Variants in CDH4 observed in about 807,000 individuals in gnomAD.
CDH4 encodes cadherin 4, also known as cadherin-4.
CDH4 carries 33 observed loss-of-function variants against 86.0 expected under a neutral mutation model. The observed-to-expected ratio is 0.38, with a 90% CI of 0.29 to 0.51. CDH4 has a LOEUF of 0.51. Ranked by LOEUF, CDH4 falls within the 20% of genes least tolerant of loss-of-function variation. The probability of loss-of-function intolerance (pLI) is 0.86; values close to 1 mark genes in which losing one functional copy is unlikely to be tolerated. For synonymous variants in CDH4, 555 were observed against 549.4 expected, an observed-to-expected ratio of 1.01 and a Z score of -0.14; for missense variants, 1,114 against 1,307.4, an observed-to-expected ratio of 0.85 and a Z score of 2.28.
chr20:61,874,003 G>A, intron 7 of CDH4, 103 bp downstream of exon 7: 1 of 1,240,220 alleles, frequency 8.1e-7, no homozygotes, highest in Non-Finnish European at 1.1e-6. Flanking sequence ...GTCGGGGAGT[G>A]ATCGACAGTC....
At chr20:61,430,332 C>T (rs898608295) in intron 2 of CDH4, among the ~76,000 whole-genome samples, 1 of 152,202 alleles carries the variant, frequency 6.6e-6, no homozygotes. Flanking sequence ...CAACCTCCCC[C>T]ACACCTGAGT....
Position 61,879,378 on chromosome 20 carries a change from C to G in CDH4, c.1050+5478C>G, listed in dbSNP as rs1185396871. 6.6e-6 allele frequency among the ~76,000 whole-genome samples: 1 copy of G among 152,232 alleles called. No homozygotes were observed. Among genetic ancestry groups the G allele is most frequent in the African/African-American group, 2.4e-5 (1 of 41,468 alleles). On this transcript the variant is annotated intron_variant, in intron 7 of 15. Coordinates refer to ENST00000614565, the MANE Select transcript of CDH4 (RefSeq NM_001794.5). This position sits in a 1 kb window ranked among gnomAD's most constrained non-coding sequence, Gnocchi z 4.1. ...GTAGTTCCTTTTTCTCTTCCTCCCC[C>G]TTTAAAAAGATTCATCTCCCCTGCC...
rs115755728 is a variant in CDH4 at position 61,378,536 on chromosome 20, C to T, written c.169+123599C>T. Among the ~76,000 whole-genome samples the T allele has an allele frequency of 3.0e-3, 462 of 152,294 alleles. 1 individual carries two copies. Among genetic ancestry groups the T allele is most frequent in the African/African-American group, 0.01 (427 of 41,564 alleles). ...TCTAGTCTCTGTCTCTGTCTTCCCGCGGCCTTCTCCTCTCATCTGTGTGTC... is the reference window on the plus strand; with the variant it reads ...TCTAGTCTCTGTCTCTGTCTTCCCGTGGCCTTCTCCTCTCATCTGTGTGTC... On this transcript the variant is annotated intron_variant, in intron 2 of 15. Coordinates refer to ENST00000614565, the MANE Select transcript of CDH4 (RefSeq NM_001794.5).
In CDH4 at chr20:61,939,212, C is replaced by CCTTT. The variant is rs1266908818; in HGVS notation, c.*2272_*2275dup. 6.6e-6 allele frequency: 1 copy of CCTTT among 152,284 alleles called. No individual in the cohort carries two copies. Among genetic ancestry groups the CCTTT allele is most frequent in the African/African-American group, 2.4e-5 (1 of 41,438 alleles). 9.4% of individuals were successfully genotyped at this position (152,284 alleles called of 1,614,324 possible). ...CCCGGGAGCCAGGGCAGCATGAACT[C>CCTTT]CTTTCTCTGAAATTTCGAGGCCTCC... On this transcript the variant is annotated 3_prime_UTR_variant, in exon 16 of 16. Transcript: ENST00000614565.
intron 2 of CDH4, among the ~76,000 whole-genome samples, chr20:61,426,879 A>G (rs543702432): frequency 5.5e-4 from 84 of 152,354 alleles, no homozygotes; most frequent in African/African-American, 1.9e-3. Context: ...CTAGATAAAA[A>G]TCTTGGCTTA....
At chr20:61,558,540 C>G (rs1373310733) in intron 2 of CDH4, among the ~76,000 whole-genome samples, 1 of 152,248 alleles carries the variant, frequency 6.6e-6, no homozygotes, top group Non-Finnish European at 1.5e-5. Context: ...GCCTCTGGAC[C>G]TGCCCCCATC....
intron 2 of CDH4, among the ~76,000 whole-genome samples, chr20:61,452,628 T>C (rs1489095343): frequency 6.6e-6 from 1 of 152,222 alleles, no homozygotes; most frequent in Admixed American, 6.5e-5. Context: ...TTTTAAATTT[T>C]TCCAATTGTT....
chr20:61,842,958 G>A (rs989132869), intron 4 of CDH4, among the ~76,000 whole-genome samples: 5 of 152,152 alleles, frequency 3.3e-5, no homozygotes, highest in African/African-American at 1.2e-4. Flanking sequence ...ATTTTTAAAA[G>A]CCTCTAAAAA....
At chr20:61,545,973 TG>T (rs2086078440) in intron 2 of CDH4, among the ~76,000 whole-genome samples, 1 of 107,126 alleles carries the variant, frequency 9.3e-6, no homozygotes, top group African/African-American at 3.7e-5. Flanking sequence ...TGTGTGTGTG[TG>T]TGTGTGTGGA....
At chr20:61,736,073 G>GC (rs2088259408) in intron 2 of CDH4, among the ~76,000 whole-genome samples, 1 of 152,136 alleles carries the variant, frequency 6.6e-6, no homozygotes, top group Non-Finnish European at 1.5e-5. Flanking sequence ...AGCTCAGGGT[G>GC]CCCCCCACTC....
At chr20:61,580,780 C>T (rs927701826) in intron 2 of CDH4, among the ~76,000 whole-genome samples, 4 of 152,136 alleles carry the variant, frequency 2.6e-5, no homozygotes, top group African/African-American at 7.2e-5. Context: ...CAATGGGTGG[C>T]GCCTAATGGG....
At chr20:61,871,805 G>A (rs536696886) in intron 6 of CDH4, among the ~76,000 whole-genome samples, 2 of 152,318 alleles carry the variant, frequency 1.3e-5, no homozygotes, top group South Asian at 2.1e-4. Context: ...TATAATTCAC[G>A]TGCCATACAG....
chr20:61,428,115 TG>T (rs2085224862), intron 2 of CDH4, among the ~76,000 whole-genome samples: 1 of 152,096 alleles, frequency 6.6e-6, no homozygotes, highest in African/African-American at 2.4e-5. Context: ...TGCTGAAAAG[TG>T]GGGCCAGGTA....
intron 3 of CDH4, among the ~76,000 whole-genome samples, chr20:61,755,436 CCACA>C (rs143293357): frequency 6.9e-6 from 1 of 145,958 alleles, no homozygotes; most frequent in South Asian, 2.2e-4. Context: ...ACGTCACACA[CCACA>C]CACACACACC....
At position 61,923,490 on chromosome 20, in the gene CDH4, G is replaced by C; in HGVS notation, c.1414G>C (p.Val472Leu). Residue 472 changes from valine (V) to leucine (L), a missense_variant, in exon 10 of 16, where the codon GTG (valine) becomes CTG (leucine). Physicochemically the swap from Val to Leu is conservative, Grantham distance 32 (BLOSUM62 1). This residue lies in a region of CDH4 where 705 missense variants were observed against 914.1 expected (regional missense o/e 0.77). Transcript: ENST00000614565. ...YELNRAFMLT[V>L]MVSNQAPLAS... Reference sequence around the variant, plus strand: ...GCTCAACAGAGCTTTCATGCTGACAGTGATGGTGTCCAACCAGGCGCCCCT... The same window carrying C: ...GCTCAACAGAGCTTTCATGCTGACACTGATGGTGTCCAACCAGGCGCCCCT... 6.2e-7 allele frequency: 1 copy of C among 1,614,206 alleles called. No homozygotes were observed. Among genetic ancestry groups the C allele is most frequent in the African/African-American group, 1.3e-5 (1 of 75,072 alleles).
chr20:61,894,423 A>G (rs1985001147), intron 7 of CDH4, among the ~76,000 whole-genome samples: 1 of 152,230 alleles, frequency 6.6e-6, no homozygotes, highest in Non-Finnish European at 1.5e-5. Context: ...GAGAAGGGAA[A>G]GGGTTTGTCT....
intron 2 of CDH4, among the ~76,000 whole-genome samples, chr20:61,555,982 A>G (rs1200453744): frequency 6.6e-6 from 1 of 152,202 alleles, no homozygotes; most frequent in Non-Finnish European, 1.5e-5. Flanking sequence ...CACATTGTGT[A>G]TGTACCGCCC....
chr20:61,759,876 G>A (rs753170392), intron 3 of CDH4, among the ~76,000 whole-genome samples: 26 of 152,144 alleles, frequency 1.7e-4, no homozygotes, highest in Admixed American at 1.2e-3. Context: ...AACCCAGGAC[G>A]CCCCAAACAA....
At chr20:61,427,993 G>T (rs907249337) in intron 2 of CDH4, among the ~76,000 whole-genome samples, 2 of 152,134 alleles carry the variant, frequency 1.3e-5, no homozygotes, top group Admixed American at 1.3e-4. Flanking sequence ...CCAGAGAAAA[G>T]AGAACTACTG....
Sources: allele counts gnomAD v4.1 joint callset (sites outside exome capture counted in the v4.1 genomes callset), GRCh38; gene constraint gnomAD v4.1.1; regional missense constraint gnomAD v4.1.1; non-coding constraint Gnocchi (gnomAD v3.1); transcripts MANE v1.5; gene names NCBI Gene and HGNC (gene_info 2026-07-23, HGNC 2026-07-21).